Variants in ARHGAP6 observed in about 807,000 individuals in gnomAD.
ARHGAP6 encodes rho GTPase-activating protein 6.
Under a neutral mutation model 55.7 loss-of-function variants are expected in ARHGAP6, and 16 were observed. The ratio of observed to expected loss-of-function variants is 0.29; its 90% confidence interval spans 0.19 to 0.44. The LOEUF is 0.44. ARHGAP6 is among the 20% of genes least tolerant of loss of function. ARHGAP6 has a pLI of 1.00. For synonymous variants in ARHGAP6, 382 were observed against 360.9 expected (o/e 1.06, Z -0.66); for missense variants, 698 against 808.9 (o/e 0.86, Z 1.66).
At chrX:11,324,874 C>T (rs932702885) in intron 1 of ARHGAP6, among the ~76,000 whole-genome samples, 2 of 112,513 alleles carry the variant, frequency 1.8e-5, no homozygotes, top group Non-Finnish European at 3.8e-5. Flanking sequence ...TCTTTTGAGA[C>T]GGAGTCTTGC....
chrX:11,357,649 G>T (rs1377607572), intron 1 of ARHGAP6, among the ~76,000 whole-genome samples: 1 of 111,125 alleles, frequency 9.0e-6, no homozygotes, highest in Non-Finnish European at 1.9e-5. Context: ...TGGATATGGG[G>T]TCTCTCTGGC....
chrX:11,139,389 G>A lies in ARHGAP6; in HGVS notation c.2399C>T (p.Thr800Ile). The change falls in exon 13 of 13, where the codon ACT (threonine) becomes ATT (isoleucine). Residue 800 changes from threonine (T) to isoleucine (I), a missense_variant. Coordinates refer to ENST00000337414, the MANE Select transcript of ARHGAP6 (RefSeq NM_013427.3). Reference sequence around the variant, plus strand: ...CTCCGTCGCGGGGGCTGCGGCCTGAGTCCTCCGAGCCCCCTGCGTGTCGCT... The same window carrying A: ...CTCCGTCGCGGGGGCTGCGGCCTGAATCCTCCGAGCCCCCTGCGTGTCGCT... ...LDSDTQGARR[T>I]QAAAPATEGR... 1 of 1,185,726 alleles carries A rather than the reference G, an allele frequency of 8.4e-7. No homozygotes were observed. The highest frequency in any genetic ancestry group is 1.8e-5 in the African/African-American group (1 of 57,135).
intron 3 of ARHGAP6, among the ~76,000 whole-genome samples, chrX:11,192,144 C>A (rs984981980): frequency 7.1e-5 from 8 of 111,992 alleles, no homozygotes; most frequent in Non-Finnish European, 1.5e-4. Context: ...ATTTCTTATT[C>A]TTCATCTTCC....
chrX:11,389,653 A>G (rs1053911978), intron 1 of ARHGAP6, among the ~76,000 whole-genome samples: 3 of 112,609 alleles, frequency 2.7e-5, no homozygotes, highest in African/African-American at 9.7e-5. Flanking sequence ...TGTCCTAAAT[A>G]ATACATTTGT....
intron 1 of ARHGAP6, among the ~76,000 whole-genome samples, chrX:11,295,952 C>T (rs1004273957): frequency 1.2e-4 from 13 of 112,170 alleles, no homozygotes; most frequent in Admixed American, 2.8e-4. Flanking sequence ...ACAATACAGG[C>T]ACCAGACACT....
chrX:11,461,428 T>C (rs1311543150), intron 1 of ARHGAP6, among the ~76,000 whole-genome samples: 1 of 111,639 alleles, frequency 9.0e-6, no homozygotes, highest in Non-Finnish European at 1.9e-5. Context: ...AGACAGAAAG[T>C]GCTGTCTGGG....
intron 12 of ARHGAP6, 135 bp from the exon 13 acceptor site, chrX:11,139,665 C>G: frequency 1.6e-6 from 1 of 632,577 alleles, no homozygotes; most frequent in East Asian, 4.1e-5. Context: ...ACAGTATGCT[C>G]TTAGCTGCTG....
chrX:11,143,832 C>T (rs1270233566), intron 11 of ARHGAP6, 148 bp downstream of exon 11: 3 of 1,178,402 alleles, frequency 2.5e-6, no homozygotes, highest in Non-Finnish European at 3.4e-6. Flanking sequence ...AGGCGTTCAG[C>T]AGGTACTCGG....
chrX:11,373,086 CACACACAA>C (rs1173357805), intron 1 of ARHGAP6, among the ~76,000 whole-genome samples: 6 of 63,713 alleles, frequency 9.4e-5, no homozygotes, highest in Middle Eastern at 8.8e-3. Flanking sequence ...TTTTCACACA[CACACACAA>C]ACACACACAC....
intron 10 of ARHGAP6, among the ~76,000 whole-genome samples, chrX:11,152,486 G>A (rs2045797025): frequency 9.0e-6 from 1 of 111,625 alleles, no homozygotes; most frequent in African/African-American, 3.3e-5. Flanking sequence ...CTTCACTGCT[G>A]GCCAGCCTCT....
chrX:11,579,735 G>C (rs1219914790), intron 1 of ARHGAP6, among the ~76,000 whole-genome samples: 3 of 112,168 alleles, frequency 2.7e-5, no homozygotes, highest in African/African-American at 9.7e-5. Flanking sequence ...ATTCTTTATA[G>C]CTTGTGGGTT....
At chrX:11,280,301 CCA>C (rs2047838388) in intron 1 of ARHGAP6, among the ~76,000 whole-genome samples, 1 of 111,389 alleles carries the variant, frequency 9.0e-6, no homozygotes, top group Admixed American at 9.5e-5. Context: ...GTACTTAGAG[CCA>C]CAGAGTCCAT....
At chrX:11,503,547 C>A (rs2050701372) in intron 1 of ARHGAP6, among the ~76,000 whole-genome samples, 1 of 111,819 alleles carries the variant, frequency 8.9e-6, no homozygotes. Context: ...ATTTCAAACA[C>A]TTTGGATGAT....
intron 1 of ARHGAP6, among the ~76,000 whole-genome samples, chrX:11,365,559 T>C (rs952957269): frequency 1.2e-4 from 13 of 112,628 alleles, no homozygotes; most frequent in South Asian, 3.7e-4. Flanking sequence ...GTAACGTATA[T>C]GCCTATAGTG....
rs2047508017 is a variant in ARHGAP6, at chrX:11,257,548, T to C, written c.589-2841A>G. Among the ~76,000 whole-genome samples, 4 of 112,453 alleles carry C rather than the reference T, an allele frequency of 3.6e-5. No individual in the cohort carries two copies. The South Asian group carries it at 1.5e-3, about 42-fold the overall frequency. On this transcript the variant is annotated intron_variant, in intron 1 of 12. Coordinates refer to ENST00000337414, the MANE Select transcript of ARHGAP6 (RefSeq NM_013427.3). ...GTTTCCCAACCTGTGAACTATAGCT[T>C]ATGACTGAAATAAAGTAATTCCTAG...
chrX:11,153,082 CT>C (rs1339721740), intron 10 of ARHGAP6, among the ~76,000 whole-genome samples: 1 of 111,682 alleles, frequency 9.0e-6, no homozygotes, highest in African/African-American at 3.3e-5. Context: ...ATATTTTAAG[CT>C]TTTTAAACTC....
chrX:11,180,238 T>G (rs1158563550), intron 6 of ARHGAP6, among the ~76,000 whole-genome samples: 1 of 111,584 alleles, frequency 9.0e-6, no homozygotes, highest in Non-Finnish European at 1.9e-5. Flanking sequence ...CACACCCTAC[T>G]TTTATCTCTA....
chrX:11,219,848 C>G (rs5950359), intron 2 of ARHGAP6, among the ~76,000 whole-genome samples: 2,202 of 97,065 alleles, frequency 0.023, 27 homozygotes, highest in Middle Eastern at 0.067. Flanking sequence ...TGCCTGTTCA[C>G]TCTGATGGTA....
At chrX:11,582,373 T>C (rs1315737287) in intron 1 of ARHGAP6, among the ~76,000 whole-genome samples, 2 of 112,133 alleles carry the variant, frequency 1.8e-5, no homozygotes, top group African/African-American at 6.5e-5. Flanking sequence ...TCCATTGCTA[T>C]TTACTAGGGC....
Sources: gnomAD v4.1 joint callset for allele counts (sites outside exome capture counted in the v4.1 genomes callset) on GRCh38, gnomAD v4.1.1 for gene constraint, MANE v1.5 for transcripts, NCBI Gene and HGNC (gene_info 2026-07-23, HGNC 2026-07-21) for gene names.